Variants in LDAH observed in about 807,000 individuals in gnomAD.
LDAH encodes the protein lipid droplet-associated hydrolase.
A neutral mutation model predicts 29.6 loss-of-function variants in LDAH; 26 were observed. The observed-to-expected ratio is 0.88, with a 90% CI of 0.64 to 1.22. LDAH has a LOEUF of 1.22. Among genes scored for constraint, LDAH ranks in the 50% most tolerant of loss-of-function variants. LDAH has a pLI of 0.00. For synonymous variants in LDAH, 117 were observed against 133.0 expected, an observed-to-expected ratio of 0.88 and a Z score of 0.83; for missense variants, 344 against 387.3, an observed-to-expected ratio of 0.89 and a Z score of 0.94.
At position 20,738,046 on chromosome 2, in the gene LDAH, G is replaced by A. The variant is rs1047678825; in HGVS notation, c.703+1925C>T. ...AGGCGGGCGGATCACGAGGTCAGGA[G>A]TTTGAGACCAGCCTGGCCTACATGG... On this transcript the variant is annotated intron_variant, in intron 5 of 6. Transcript: ENST00000237822. Among the ~76,000 whole-genome samples, 10 of 151,948 alleles carry A rather than the reference G, an allele frequency of 6.6e-5. 1 individual carries two copies. Among genetic ancestry groups the A allele is most frequent in the African/African-American group, 2.4e-4 (10 of 41,442 alleles).
intron 5 of LDAH, 25 bp from the exon 6 acceptor site, chr2:20,701,677 A>G (rs1663948364): frequency 6.4e-7 from 1 of 1,571,172 alleles, no homozygotes; most frequent in Admixed American, 1.7e-5. Flanking sequence ...TAAAAAGTCA[A>G]ACATTTAGAA....
chr2:20,819,856 C>T (rs1374708005), intron 1 of LDAH, among the ~76,000 whole-genome samples: 1 of 152,100 alleles, frequency 6.6e-6, no homozygotes, highest in East Asian at 1.9e-4. Flanking sequence ...ATTGTATATT[C>T]AGAAAACCCC....
At chr2:20,748,525 A>C (rs2124883478) in intron 4 of LDAH, among the ~76,000 whole-genome samples, 1 of 152,284 alleles carries the variant, frequency 6.6e-6, no homozygotes, top group Admixed American at 6.5e-5. Context: ...AATCTTGTGG[A>C]AACCACTTCG....
At chr2:20,811,456 G>T (rs1171532686) in intron 1 of LDAH, among the ~76,000 whole-genome samples, 2 of 151,858 alleles carry the variant, frequency 1.3e-5, no homozygotes, top group East Asian at 3.9e-4. Flanking sequence ...TTAAAAGGCA[G>T]AGGGACTGGA....
At chr2:20,747,657 A>T (rs1328098535) in intron 4 of LDAH, among the ~76,000 whole-genome samples, 2 of 152,188 alleles carry the variant, frequency 1.3e-5, no homozygotes, top group African/African-American at 4.8e-5. Flanking sequence ...ATGCCATTAT[A>T]TTTTAATCAA....
chr2:20,794,726 C>T (rs1671200673), intron 2 of LDAH, among the ~76,000 whole-genome samples: 1 of 152,136 alleles, frequency 6.6e-6, no homozygotes, highest in African/African-American at 2.4e-5. Flanking sequence ...GTATAACGTA[C>T]CAAACTTGAA....
chr2:20,756,785 A>T (rs1668374811), intron 4 of LDAH, among the ~76,000 whole-genome samples: 1 of 152,212 alleles, frequency 6.6e-6, no homozygotes. Flanking sequence ...AAAATACAAG[A>T]GTTTTCAGTG....
At chr2:20,812,555 CCATATATGGACTAATATTCTCCCAGT>C (rs1442096348) in intron 1 of LDAH, among the ~76,000 whole-genome samples, 1 of 152,146 alleles carries the variant, frequency 6.6e-6, no homozygotes, top group African/African-American at 2.4e-5. Context: ...TTCTCTGCTG[CCATATATGGACTAATATTCTCCCAGT>C]CACCCTAATT....
At chr2:20,761,511 T>C (rs1042276058) in intron 4 of LDAH, among the ~76,000 whole-genome samples, 7 of 152,202 alleles carry the variant, frequency 4.6e-5, no homozygotes, top group Non-Finnish European at 8.8e-5. Flanking sequence ...ATGCAGGAAG[T>C]GACATTTGGC....
At chr2:20,692,171 C>T (rs898044140) in intron 6 of LDAH, among the ~76,000 whole-genome samples, 2 of 152,126 alleles carry the variant, frequency 1.3e-5, no homozygotes, top group Non-Finnish European at 2.9e-5. Flanking sequence ...TGGTCTCTGC[C>T]CTGGAACAGC....
intron 6 of LDAH, among the ~76,000 whole-genome samples, chr2:20,700,320 T>C (rs943830207): frequency 6.6e-6 from 1 of 152,144 alleles, no homozygotes; most frequent in African/African-American, 2.4e-5. Flanking sequence ...TGATGACCAC[T>C]ATGGCCATGA....
chr2:20,753,108 G>T (rs1348195457), intron 4 of LDAH, among the ~76,000 whole-genome samples: 1 of 152,176 alleles, frequency 6.6e-6, no homozygotes, highest in African/African-American at 2.4e-5. Flanking sequence ...AACAGCCCAT[G>T]TTTCCAGTGT....
chr2:20,715,436 C>G (rs1441098342), intron 5 of LDAH, among the ~76,000 whole-genome samples: 1 of 152,128 alleles, frequency 6.6e-6, no homozygotes, highest in East Asian at 1.9e-4. Context: ...ACTGAATGGG[C>G]AAAAATTGGA....
At chr2:20,687,591 C>T (rs942720982) in intron 6 of LDAH, among the ~76,000 whole-genome samples, 6 of 152,190 alleles carry the variant, frequency 3.9e-5, no homozygotes, top group Non-Finnish European at 7.3e-5. Flanking sequence ...TGATCAGAAT[C>T]CTGAGAGAGT....
At position 20,740,222 on chromosome 2, in the gene LDAH, T is replaced by C. The variant is rs1433712562; in HGVS notation, c.469-17A>G. 1.3e-6 allele frequency: 2 copies of C among 1,548,834 alleles called. No individual in the cohort carries two copies. Among genetic ancestry groups the C allele is most frequent in the South Asian group, 2.2e-5 (2 of 89,676 alleles). On this transcript the variant is annotated splice_polypyrimidine_tract_variant and intron_variant, in intron 4 of 6. Transcript: ENST00000237822. ...ACGAATTACCTGCAATAAAGAAGCA[T>C]ACTTTGATGAGAGGTTTTCTTAAAG...
At chr2:20,765,788 G>C (rs1462426175) in intron 4 of LDAH, among the ~76,000 whole-genome samples, 1 of 152,186 alleles carries the variant, frequency 6.6e-6, no homozygotes, top group Non-Finnish European at 1.5e-5. Context: ...TTCTTACACA[G>C]CAGCTGGCTT....
intron 4 of LDAH, among the ~76,000 whole-genome samples, chr2:20,769,214 A>G (rs1326064955): frequency 1.3e-5 from 2 of 152,226 alleles, no homozygotes; most frequent in East Asian, 3.9e-4. Context: ...GATACAACTC[A>G]TCCTTCAGTG....
chr2:20,740,414 T>C, intron 4 of LDAH, among the ~76,000 whole-genome samples: 1 of 152,114 alleles, frequency 6.6e-6, no homozygotes, highest in Admixed American at 6.6e-5. Context: ...GTGCAAGTGA[T>C]CCTCCCACCT....
chr2:20,682,729 C>T (rs1437017116), downstream of LDAH, among the ~76,000 whole-genome samples: 1 of 152,178 alleles, frequency 6.6e-6, no homozygotes, highest in African/African-American at 2.4e-5. Flanking sequence ...TGTTAGGACC[C>T]ACCTCCCAAT....
Sources: gnomAD v4.1 joint callset for allele counts (sites outside exome capture counted in the v4.1 genomes callset) on GRCh38, gnomAD v4.1.1 for gene constraint, MANE v1.5 for transcripts, NCBI Gene and HGNC (gene_info 2026-07-23, HGNC 2026-07-21) for gene names.